EHBP1: variants seen among roughly 807,000 people sequenced by gnomAD.
The protein encoded by EHBP1 is EH domain-binding protein 1.
In EHBP1, 55 loss-of-function variants were observed where a neutral mutation model predicts 144.0. The ratio of observed to expected loss-of-function variants is 0.38; its 90% CI spans 0.31 to 0.48. The LOEUF is 0.48. EHBP1 is among the 20% of genes least tolerant of loss of function. EHBP1 has a pLI of 0.98. For synonymous variants in EHBP1, 469 were observed against 472.7 expected, an observed-to-expected ratio of 0.99 and a Z score of 0.10; for missense variants, 1,200 against 1,364.2, an observed-to-expected ratio of 0.88 and a Z score of 1.90.
intron 13 of EHBP1, among the ~76,000 whole-genome samples, chr2:62,954,679 A>G (rs1434058735): frequency 6.6e-6 from 1 of 152,220 alleles, no homozygotes; most frequent in African/African-American, 2.4e-5. Flanking sequence ...GAAATAAAGT[A>G]ATAGCTACAC....
intron 5 of EHBP1, among the ~76,000 whole-genome samples, chr2:62,780,083 A>G (rs2042322486): frequency 6.6e-6 from 1 of 152,126 alleles, no homozygotes; most frequent in African/African-American, 2.4e-5. Context: ...ACCAGCAAAT[A>G]ATTTTTTTTT....
intron 3 of EHBP1, among the ~76,000 whole-genome samples, chr2:62,755,629 G>T (rs1428962591): frequency 2.6e-5 from 4 of 152,154 alleles, no homozygotes; most frequent in African/African-American, 9.7e-5. Flanking sequence ...CTGAGCAGCA[G>T]CATCTTTAAA....
At chr2:62,787,082 T>A (rs1402121770) in intron 5 of EHBP1, among the ~76,000 whole-genome samples, 2 of 152,216 alleles carry the variant, frequency 1.3e-5, no homozygotes, top group African/African-American at 4.8e-5. Context: ...GAAATGAATC[T>A]GACAAGACGC....
At chr2:62,743,275 TAC>T (rs1383433840) in intron 2 of EHBP1, among the ~76,000 whole-genome samples, 1 of 152,144 alleles carries the variant, frequency 6.6e-6, no homozygotes, top group East Asian at 1.9e-4. Flanking sequence ...CATTGTAAAT[TAC>T]AGTTTTTACA....
intron 9 of EHBP1, chr2:62,872,084 C>G (rs2050536195): frequency 6.6e-6 from 1 of 152,024 alleles, no homozygotes; most frequent in South Asian, 2.1e-4. Context: ...TCCAAAGAAA[C>G]ATAGATATCA....
intron 3 of EHBP1, among the ~76,000 whole-genome samples, chr2:62,748,199 G>A (rs1573100939): frequency 6.6e-6 from 1 of 152,038 alleles, no homozygotes; most frequent in African/African-American, 2.4e-5. Context: ...ACGAAGTTAG[G>A]GCACACTTAA....
chr2:62,681,377 A>AT (rs1491518984), intron 1 of EHBP1, among the ~76,000 whole-genome samples: 30 of 122,064 alleles, frequency 2.5e-4, no homozygotes, highest in Non-Finnish European at 3.9e-4. Context: ...ATATATGTAT[A>AT]AATATATAAT....
chr2:62,907,738 A>G (rs1262729442), intron 10 of EHBP1, among the ~76,000 whole-genome samples: 2 of 152,248 alleles, frequency 1.3e-5, no homozygotes, highest in Admixed American at 1.3e-4. Context: ...GGGGGACACA[A>G]GCATCCAGTT....
intron 10 of EHBP1, among the ~76,000 whole-genome samples, chr2:62,938,232 TC>T (rs1040102614): frequency 6.6e-5 from 10 of 152,334 alleles, no homozygotes; most frequent in African/African-American, 2.2e-4. Context: ...ACTGGAAATG[TC>T]AACTTGAGAT....
intron 3 of EHBP1, among the ~76,000 whole-genome samples, chr2:62,748,788 A>G (rs1008553473): frequency 1.2e-4 from 19 of 152,154 alleles, no homozygotes; most frequent in Non-Finnish European, 2.5e-4. Context: ...ATTAGTTTTA[A>G]TTGAAATCCT....
intron 19 of EHBP1, among the ~76,000 whole-genome samples, chr2:63,033,123 T>G (rs2061328585): frequency 1.3e-5 from 2 of 152,218 alleles, no homozygotes; most frequent in South Asian, 4.1e-4. Context: ...TAATGTTGGC[T>G]TTGGAGTTAA....
chr2:62,986,870 CT>C (rs1234631913), intron 15 of EHBP1, among the ~76,000 whole-genome samples: 1 of 151,932 alleles, frequency 6.6e-6, no homozygotes, highest in Non-Finnish European at 1.5e-5. Flanking sequence ...AAAATCAAGC[CT>C]AAGGATGTAC....
chr2:63,043,025 T>G (rs562940107), intron 21 of EHBP1, among the ~76,000 whole-genome samples: 1 of 152,282 alleles, frequency 6.6e-6, no homozygotes, highest in South Asian at 2.1e-4. Flanking sequence ...TTCATTAAAC[T>G]AGTAATCTTA....
chr2:62,908,835 T>C (rs1461750012), intron 10 of EHBP1, among the ~76,000 whole-genome samples: 1 of 152,202 alleles, frequency 6.6e-6, no homozygotes, highest in East Asian at 1.9e-4. Context: ...GGTAAATGTT[T>C]TATGTGCATC....
intron 10 of EHBP1, among the ~76,000 whole-genome samples, chr2:62,876,935 A>G (rs113680927): frequency 6.6e-6 from 1 of 152,350 alleles, no homozygotes; most frequent in Non-Finnish European, 1.5e-5. Context: ...AAGCATCTAC[A>G]CAATCAAATC....
At chr2:62,790,119 A>G (rs545572606) in intron 5 of EHBP1, among the ~76,000 whole-genome samples, 1 of 152,316 alleles carries the variant, frequency 6.6e-6, no homozygotes, top group Admixed American at 6.5e-5. Flanking sequence ...TGCATTCTTG[A>G]TGATTGACCT....
chr2:62,981,345 A>G (rs771468517), intron 15 of EHBP1, among the ~76,000 whole-genome samples: 1 of 152,134 alleles, frequency 6.6e-6, no homozygotes, highest in Non-Finnish European at 1.5e-5. Context: ...TCATGGAAAA[A>G]CACCATATTC....
intron 1 of EHBP1, among the ~76,000 whole-genome samples, chr2:62,696,258 C>T (rs1256949401): frequency 1.3e-5 from 2 of 151,082 alleles, no homozygotes; most frequent in African/African-American, 2.4e-5. Context: ...GCAGCCTCTT[C>T]CTCCCAGGTT....
intron 10 of EHBP1, among the ~76,000 whole-genome samples, chr2:62,896,707 G>A (rs942423477): frequency 6.7e-6 from 1 of 149,580 alleles, no homozygotes; most frequent in African/African-American, 2.5e-5. Flanking sequence ...AAAAAACCCT[G>A]CTAGACTCCA....
Sources: gnomAD v4.1 joint callset for allele counts (sites outside exome capture counted in the v4.1 genomes callset) on GRCh38, gnomAD v4.1.1 for gene constraint, MANE v1.5 for transcripts, NCBI Gene and HGNC (gene_info 2026-07-23, HGNC 2026-07-21) for gene names.